Variants in RAD51D observed in about 807,000 individuals in gnomAD.
The protein encoded by RAD51D is DNA repair protein RAD51 homolog 4.
Under a neutral mutation model 44.1 loss-of-function variants are expected in RAD51D, and 38 were observed. The observed-to-expected ratio is 0.86, with a 90% CI of 0.67 to 1.13. RAD51D has a LOEUF of 1.13. RAD51D is among the 50% of genes most tolerant of loss of function. The pLI is 0.00. For synonymous variants in RAD51D, 141 were observed against 166.6 expected (o/e 0.85, Z 1.18); for missense variants, 390 against 414.0 (o/e 0.94, Z 0.50).
chr17:35,113,906 G>A (rs1342078599), intron 3 of RAD51D, among the ~76,000 whole-genome samples: 2 of 152,176 alleles, frequency 1.3e-5, no homozygotes, highest in African/African-American at 4.8e-5. Context: ...GCCTCCAAGT[G>A]ATTTTGAAGC....
chr17:35,110,104 G>A (rs1021632910), intron 3 of RAD51D, among the ~76,000 whole-genome samples: 1 of 151,714 alleles, frequency 6.6e-6, no homozygotes, highest in East Asian at 2.0e-4. Flanking sequence ...CCAAGTAGCT[G>A]GGACTACAGG....
At chr17:35,109,118 C>T (rs2091645754) in intron 3 of RAD51D, among the ~76,000 whole-genome samples, 2 of 152,168 alleles carry the variant, frequency 1.3e-5, no homozygotes, top group South Asian at 2.1e-4. Flanking sequence ...CCGCCCAACA[C>T]AGCCTCCCAA....
At chr17:35,108,470 G>GGCAACATA (rs1304565900) in intron 3 of RAD51D, among the ~76,000 whole-genome samples, 1 of 133,150 alleles carries the variant, frequency 7.5e-6, no homozygotes, top group East Asian at 2.1e-4. Flanking sequence ...GTCTAGCCCA[G>GGCAACATA]GCAACATAGC....
At chr17:35,114,417 C>T (rs2091713496) in intron 3 of RAD51D, among the ~76,000 whole-genome samples, 1 of 151,830 alleles carries the variant, frequency 6.6e-6, no homozygotes, top group Admixed American at 6.6e-5. Context: ...GGCATGGTGG[C>T]TCATACCTGT....
At chr17:35,105,333 CAGGCTA>C (rs2091586971) in intron 6 of RAD51D, among the ~76,000 whole-genome samples, 1 of 152,042 alleles carries the variant, frequency 6.6e-6, no homozygotes, top group African/African-American at 2.4e-5. Context: ...CTCTGCTGAC[CAGGCTA>C]AGGTACAGTG....
rs2091513776 is a variant in RAD51D, at chr17:35,099,850, G to T, written c.*1103C>A. 3.9e-6 allele frequency: 2 copies of T among 509,140 alleles called. No homozygotes were observed. The highest frequency in any genetic ancestry group is 4.5e-5 in the Admixed American group (2 of 44,154). 31.5% of individuals were successfully genotyped at this position (509,140 alleles called of 1,614,324 possible). The stretch of plus-strand genomic sequence containing the variant: ...GGTGTCTTCGTCCCCTCCCAGCCAG[G>T]GTCATGGCTCTCAGACGGATGGCCA... On this transcript the variant is annotated 3_prime_UTR_variant, in exon 10 of 10. Transcript: ENST00000345365.
intron 3 of RAD51D, among the ~76,000 whole-genome samples, chr17:35,111,447 C>T (rs117964986): frequency 0.011 from 1,620 of 152,026 alleles, 34 homozygotes; most frequent in African/African-American, 0.037. Context: ...ACCTGTAGTC[C>T]CAGCTACTCG....
At chr17:35,116,248 TG>T (rs1180847545) in intron 3 of RAD51D, among the ~76,000 whole-genome samples, 1 of 152,166 alleles carries the variant, frequency 6.6e-6, no homozygotes, top group African/African-American at 2.4e-5. Flanking sequence ...GCTTGGCCTC[TG>T]CCACCCTTCC....
chr17:35,115,379 C>T, intron 3 of RAD51D: 2 of 476,010 alleles, frequency 4.2e-6, no homozygotes, highest in Admixed American at 4.5e-5. Flanking sequence ...ATCAACATAG[C>T]TTTTCCCAAA....
At chr17:35,119,066 T>C (rs2091786664) in intron 2 of RAD51D, 45 bp downstream of exon 2, 10 of 1,584,278 alleles carry the variant, frequency 6.3e-6, no homozygotes, top group Non-Finnish European at 7.8e-6. Context: ...GGATGGACTT[T>C]TTAAAAAGAC....
At chr17:35,117,117 G>C in intron 3 of RAD51D, 1 of 1,437,772 alleles carries the variant, frequency 7.0e-7, no homozygotes, top group Non-Finnish European at 9.5e-7. Context: ...TGCCTCCCTC[G>C]GTGCTTACAG....
Position 35,100,060 on chromosome 17 carries a change from C to A in RAD51D, c.*893G>T, listed in dbSNP as rs1314654992. 1.9e-6 allele frequency: 1 copy of A among 532,802 alleles called. No homozygotes were observed. The highest frequency in any genetic ancestry group is 1.9e-5 in the African/African-American group (1 of 53,772). 33.0% of individuals were successfully genotyped at this position (532,802 alleles called of 1,614,324 possible). A position where few individuals can be genotyped will look rare whatever the true frequency, so the allele number is the denominator to read the frequency against. On this transcript the variant is annotated 3_prime_UTR_variant, in exon 10 of 10. Transcript: ENST00000345365. ...CAATTTTCCCAGCTGGCTCTATTTA[C>A]TGTGCAAATTCTCCTCTGTCTGTTT...
intron 3 of RAD51D, among the ~76,000 whole-genome samples, chr17:35,109,980 T>TTTTTTGG (rs1597866245): frequency 6.6e-6 from 1 of 150,708 alleles, no homozygotes; most frequent in Non-Finnish European, 1.5e-5. Context: ...TTTTTTTTTT[T>TTTTTTGG]GAGATAGGGT....
At position 35,100,970 on chromosome 17, in the gene RAD51D, G is replaced by GTC. The variant is rs2142408720; in HGVS notation, c.969_970insGA (p.Gln324AspfsTer28). 1 of 1,613,134 alleles carries GTC rather than the reference G, an allele frequency of 6.2e-7. No homozygotes were observed. The highest frequency in any genetic ancestry group is 1.3e-5 in the African/African-American group (1 of 75,010). On this transcript the variant is annotated frameshift_variant, in exon 10 of 10. Coordinates refer to ENST00000345365, the MANE Select transcript of RAD51D (RefSeq NM_002878.4). LOFTEE classifies it high-confidence loss of function. ...AGCACAGGTCATGTCTGATCACCCT[G>GTC]TAATGTGGCACTCTGCTCTGAGGTC...
At chr17:35,113,864 C>A (rs936772311) in intron 3 of RAD51D, among the ~76,000 whole-genome samples, 2 of 152,204 alleles carry the variant, frequency 1.3e-5, no homozygotes, top group Non-Finnish European at 2.9e-5. Flanking sequence ...TCTGGGAATG[C>A]AGCCCACACT....
chr17:35,118,397 T>TAA (rs147268486), intron 3 of RAD51D, 104 bp downstream of exon 3: 258 of 857,658 alleles, frequency 3.0e-4, no homozygotes, highest in Middle Eastern at 4.5e-4. Context: ...CATTATTGGT[T>TAA]AAAAAAAAAA....
chr17:35,115,936 GAAGA>G (rs1171936011), intron 3 of RAD51D, among the ~76,000 whole-genome samples: 8 of 123,530 alleles, frequency 6.5e-5, no homozygotes, highest in South Asian at 2.7e-4. Flanking sequence ...AGGAAGGAAG[GAAGA>G]AAGAAAAGGA....
Position 35,103,513 on chromosome 17 carries a change from AC to A in RAD51D, c.607del (p.Val203TrpfsTer24). The A allele has an allele frequency of 1.2e-6, 2 of 1,614,116 alleles. No individual in the cohort carries two copies. Among genetic ancestry groups the A allele is most frequent in the Middle Eastern group, 1.6e-4 (1 of 6,062 alleles). ...VTGSSGTVKV[V>X]VVDSVTAVVS... The stretch of plus-strand genomic sequence containing the variant: ...CACCGCAGTGACCGAGTCCACAACC[AC>A]CACCTTCACAGTTCCTGAAGAACCA... On this transcript the variant is annotated frameshift_variant, in exon 7 of 10. Transcript: ENST00000345365. LOFTEE classifies it high-confidence loss of function. The surrounding 1 kb of genome is among the most constrained non-coding windows in gnomAD (Gnocchi z 4.1).
chr17:35,108,855 CT>C (rs1203418211), intron 3 of RAD51D, among the ~76,000 whole-genome samples: 1 of 142,030 alleles, frequency 7.0e-6, no homozygotes, highest in African/African-American at 2.7e-5. Flanking sequence ...TTGTGATTGG[CT>C]TTTTTTCTTT....
Sources: gnomAD v4.1 joint callset for allele counts (sites outside exome capture counted in the v4.1 genomes callset) on GRCh38, gnomAD v4.1.1 for gene constraint, Gnocchi (gnomAD v3.1) non-coding constraint, MANE v1.5 for transcripts, NCBI Gene and HGNC (gene_info 2026-07-23, HGNC 2026-07-21) for gene names.